Variants in PIGZ observed in about 807,000 individuals in gnomAD.
The protein encoded by PIGZ is GPI alpha-1,2-mannosyltransferase 4.
PIGZ carries 16 observed loss-of-function variants against 16.4 expected under a neutral mutation model. That is an observed-to-expected ratio of 0.97 (90% CI 0.66 to 1.48). The LOEUF is 1.48. Ranked by LOEUF, PIGZ falls within the 40% of genes most tolerant of loss-of-function variation. The pLI is 0.00. For missense variants in PIGZ, 770 were observed against 739.2 expected (o/e 1.04, Z -0.48); for synonymous variants, 409 against 338.4 (o/e 1.21, Z -2.29).
At chr3:196,954,431 G>T (rs1717404397) in intron 1 of PIGZ, among the ~76,000 whole-genome samples, 1 of 152,110 alleles carries the variant, frequency 6.6e-6, no homozygotes, top group Non-Finnish European at 1.5e-5. Context: ...CCTAATATTG[G>T]TTTACTTGTG....
In PIGZ at chr3:196,946,530, C is replaced by A. The variant is rs1166466199; in HGVS notation, c.*627G>T. The A allele has an allele frequency of 6.6e-6, 1 of 152,264 alleles. No homozygotes were observed. Among genetic ancestry groups the A allele is most frequent in the Admixed American group, 6.5e-5 (1 of 15,282 alleles). The allele number at this position is 152,264 out of a possible 1,614,324, so 9.4% of individuals were successfully genotyped here. A position where few individuals can be genotyped will look rare whatever the true frequency, so the allele number is the denominator to read the frequency against. On this transcript the variant is annotated 3_prime_UTR_variant, in exon 3 of 3. Coordinates refer to ENST00000412723, the MANE Select transcript of PIGZ (RefSeq NM_025163.4). ...CGTGTACTGTGGACTCCAGGAATGA[C>A]ACAATGTTAGCCGGCAGACACCTCA...
At position 196,948,283 on chromosome 3, in the gene PIGZ, G is replaced by A. The variant is rs139393233; in HGVS notation, c.614C>T (p.Pro205Leu). ...GCTGCGCCACCGTGGACCCGGCGCC[G>A]GCTCCTTGCGTGTAGGGCCCCACGT... ...HVTWGPTRKEPAPGPRWRSWL... is the reference protein window; with the variant it reads ...HVTWGPTRKELAPGPRWRSWL... The change falls in exon 3 of 3, where the codon CCG becomes CTG. Residue 205 changes from proline to leucine, a missense_variant. By Grantham distance (98) the Pro-to-Leu change is moderately conservative. Coordinates refer to ENST00000412723, the MANE Select transcript of PIGZ (RefSeq NM_025163.4). 2.1e-5 allele frequency: 34 copies of A among 1,613,982 alleles called. No individual in the cohort carries two copies. Among genetic ancestry groups the A allele is most frequent in the Admixed American group, 5.0e-5 (3 of 59,984 alleles).
intron 1 of PIGZ, among the ~76,000 whole-genome samples, chr3:196,967,250 G>T (rs1026515501): frequency 6.6e-6 from 1 of 152,160 alleles, no homozygotes; most frequent in Non-Finnish European, 1.5e-5. Context: ...GCCCGCTTTG[G>T]GTGCCCTGTT....
intron 1 of PIGZ, among the ~76,000 whole-genome samples, chr3:196,954,961 C>T (rs544671352): frequency 7.3e-5 from 11 of 151,608 alleles, no homozygotes; most frequent in African/African-American, 1.9e-4. Flanking sequence ...GGTCTCACTG[C>T]GTTGCCCAGT....
intron 2 of PIGZ, among the ~76,000 whole-genome samples, chr3:196,949,485 A>G (rs1288178602): frequency 6.6e-6 from 1 of 152,200 alleles, no homozygotes; most frequent in Non-Finnish European, 1.5e-5. Flanking sequence ...AAGCCGCACC[A>G]TAGGTTCCAC....
At chr3:196,967,600 A>C (rs1717983266) in intron 1 of PIGZ, among the ~76,000 whole-genome samples, 1 of 152,184 alleles carries the variant, frequency 6.6e-6, no homozygotes, top group Non-Finnish European at 1.5e-5. Flanking sequence ...CAGGGGTACA[A>C]GGTGAGAGTG....
chr3:196,948,510 A>G lies in PIGZ; in HGVS notation c.387T>C (p.Pro129=). The part of the protein sequence containing the change: ...LVSGYALLVG[P]RLLLTALSFA... ...AGGAAAGGGCAGTGAGGAGGAGTCG[A>G]GGCCCCACCAGCAGCGCATAGCCGC... The change falls in exon 3 of 3, where the codon CCT becomes CCC. Residue 129 remains proline (P), a synonymous_variant. Transcript: ENST00000412723. 6.2e-7 allele frequency: 1 copy of G among 1,612,600 alleles called. No homozygotes were observed. Among genetic ancestry groups the G allele is most frequent in the Non-Finnish European group, 8.5e-7 (1 of 1,179,350 alleles).
At chr3:196,967,961 C>T (rs1717998077) in intron 1 of PIGZ, among the ~76,000 whole-genome samples, 1 of 152,176 alleles carries the variant, frequency 6.6e-6, no homozygotes, top group Non-Finnish European at 1.5e-5. Flanking sequence ...CTCAGTTTTC[C>T]GAGGCAAAGG....
In PIGZ at chr3:196,946,471, G is replaced by C. The variant is rs1009007062; in HGVS notation, c.*686C>G. Reference sequence around the variant, plus strand: ...CAACTCCCACTTCCATGCTTGAAGAGCTTTGTGAGAGCTGTGCCTGTTGAG... The same window carrying C: ...CAACTCCCACTTCCATGCTTGAAGACCTTTGTGAGAGCTGTGCCTGTTGAG... On this transcript the variant is annotated 3_prime_UTR_variant, in exon 3 of 3. Transcript: ENST00000412723. 1 of 152,274 alleles carries C rather than the reference G, an allele frequency of 6.6e-6. No individual in the cohort carries two copies. The highest frequency in any genetic ancestry group is 2.4e-5 in the African/African-American group (1 of 41,458). 9.4% of individuals were successfully genotyped at this position (152,274 alleles called of 1,614,324 possible).
intron 1 of PIGZ, among the ~76,000 whole-genome samples, chr3:196,966,644 G>T (rs1717938805): frequency 6.6e-6 from 1 of 152,170 alleles, no homozygotes; most frequent in Admixed American, 6.5e-5. Flanking sequence ...AACAAATGCG[G>T]GAGCTCCAGG....
chr3:196,951,624 G>A (rs1358183819), intron 2 of PIGZ, 197 bp downstream of exon 2: 2 of 610,986 alleles, frequency 3.3e-6, no homozygotes, highest in Non-Finnish European at 5.8e-6. Context: ...TTACCCAGAA[G>A]GTCAGTGTCA....
intron 2 of PIGZ, among the ~76,000 whole-genome samples, chr3:196,950,642 A>G (rs989891273): frequency 7.9e-5 from 12 of 152,232 alleles, no homozygotes. Flanking sequence ...CGTGAGGGAA[A>G]GAAGATGAGC....
chr3:196,947,231 G>A lies in PIGZ; in HGVS notation c.1666C>T (p.Leu556=). Residue 556 remains leucine, a synonymous_variant, in exon 3 of 3, where the codon CTG becomes TTG. Coordinates refer to ENST00000412723, the MANE Select transcript of PIGZ (RefSeq NM_025163.4). ...CAAGCCCCACTCAGCAAGGAGGACA[G>A]GGCTGGTGGATCCTCCAGGGTCAGA... ...PHLTLEDPPA[L]SSLLSGAWRD... 1 of 1,609,904 alleles carries A rather than the reference G, an allele frequency of 6.2e-7. No individual in the cohort carries two copies. The highest frequency in any genetic ancestry group is 8.5e-7 in the Non-Finnish European group (1 of 1,177,792).
In PIGZ at chr3:196,948,300, G is replaced by T; in HGVS notation, c.597C>A (p.Gly199=). ...LVLVSSHVTW[G]PTRKEPAPGP... is the part of the protein sequence containing the mutation. The stretch of plus-strand genomic sequence containing the variant: ...CCGGCGCCGGCTCCTTGCGTGTAGG[G>T]CCCCACGTTACATGGGAGGATACCA... The change falls in exon 3 of 3, where the codon GGC becomes GGA. Residue 199 remains glycine (G), a synonymous_variant. Coordinates refer to ENST00000412723, the MANE Select transcript of PIGZ (RefSeq NM_025163.4). 6.2e-7 allele frequency: 1 copy of T among 1,614,136 alleles called. No homozygotes were observed. Among genetic ancestry groups the T allele is most frequent in the Non-Finnish European group, 8.5e-7 (1 of 1,180,026 alleles).
At chr3:196,950,668 A>G (rs912901332) in intron 2 of PIGZ, among the ~76,000 whole-genome samples, 2 of 152,156 alleles carry the variant, frequency 1.3e-5, no homozygotes, top group African/African-American at 2.4e-5. Context: ...AACTTAAAAA[A>G]CAAATTCACC....
chr3:196,948,236 C>T lies in PIGZ; in HGVS notation c.661G>A (p.Ala221Thr). 2 of 1,614,166 alleles carry T rather than the reference C, an allele frequency of 1.2e-6. No homozygotes were observed. The highest frequency in any genetic ancestry group is 1.7e-6 in the Non-Finnish European group (2 of 1,180,024). ...WRSWLLGGIVAAGFFNRPTFL... is the reference protein window; with the variant it reads ...WRSWLLGGIVTAGFFNRPTFL... ...GTGGGCCGGTTGAAGAAGCCAGCAG[C>T]CACAATGCCTCCAAGAAGCCAGCTG... Residue 221 changes from alanine to threonine, a missense_variant, in exon 3 of 3, where the codon GCT (alanine) becomes ACT (threonine). Ala to Thr is a moderately conservative substitution (Grantham distance 58, BLOSUM62 0). Coordinates refer to ENST00000412723, the MANE Select transcript of PIGZ (RefSeq NM_025163.4).
intron 1 of PIGZ, among the ~76,000 whole-genome samples, chr3:196,960,272 A>T (rs1717656099): frequency 6.6e-6 from 1 of 152,222 alleles, no homozygotes; most frequent in Non-Finnish European, 1.5e-5. Flanking sequence ...GCCTGTATCA[A>T]ATTCCTTTTC....
chr3:196,955,949 T>A (rs1462010577), intron 1 of PIGZ, among the ~76,000 whole-genome samples: 1 of 151,718 alleles, frequency 6.6e-6, no homozygotes, highest in Non-Finnish European at 1.5e-5. Context: ...GTTTTTTCAA[T>A]TTTTTTTGTC....
chr3:196,957,806 G>A (rs977270541), intron 1 of PIGZ, among the ~76,000 whole-genome samples: 4 of 152,128 alleles, frequency 2.6e-5, no homozygotes, highest in Admixed American at 6.5e-5. Context: ...TGCTAGTCCC[G>A]AGAAGCTACC....
Sources: gnomAD v4.1 joint callset for allele counts (sites outside exome capture counted in the v4.1 genomes callset) on GRCh38, gnomAD v4.1.1 for gene constraint, MANE v1.5 for transcripts, NCBI Gene and HGNC (gene_info 2026-07-23, HGNC 2026-07-21) for gene names.